The following RNF187 variants were observed in gnomAD, a reference collection of about 807,000 sequenced individuals.
RNF187 encodes the protein E3 ubiquitin-protein ligase RNF187.
Under a neutral mutation model 22.2 loss-of-function variants are expected in RNF187, and 18 were observed. The ratio of observed to expected loss-of-function variants is 0.81; its 90% CI spans 0.56 to 1.20. The LOEUF is 1.20. Among genes scored for constraint, RNF187 ranks in the 50% most tolerant of loss-of-function variants. The pLI is 0.00. For synonymous variants in RNF187, 164 were observed against 140.9 expected (o/e 1.16, Z -1.16); for missense variants, 329 against 317.6 (o/e 1.04, Z -0.27).
chr1:228,495,813 T>C lies in RNF187; in HGVS notation c.*1928T>C. On this transcript the variant is annotated 3_prime_UTR_variant, in exon 4 of 4. Transcript: ENST00000305943. ...CATTGTGGAGTGACAGATTAATGTATCCATCTCATGTTTTTTTTGGTGGTG... is the reference window on the plus strand; with the variant it reads ...CATTGTGGAGTGACAGATTAATGTACCCATCTCATGTTTTTTTTGGTGGTG... The C allele has an allele frequency of 2.2e-6, 2 of 899,332 alleles. No individual in the cohort carries two copies. The highest frequency in any genetic ancestry group is 3.6e-5 in the African/African-American group (2 of 55,322). 55.7% of individuals were successfully genotyped at this position (899,332 alleles called of 1,614,324 possible).
chr1:228,493,977 G>A lies in RNF187; in HGVS notation c.*92G>A. The A allele has an allele frequency of 7.1e-6, 11 of 1,551,486 alleles. No individual in the cohort carries two copies. The highest frequency in any genetic ancestry group is 2.4e-5 in the East Asian group (1 of 40,904). ...GTCAGCGTGTGGCTGCCAGGGAAGCGTGGCAGGCGCCTGGCCTTGGGTCCA... is the reference window on the plus strand; with the variant it reads ...GTCAGCGTGTGGCTGCCAGGGAAGCATGGCAGGCGCCTGGCCTTGGGTCCA... On this transcript the variant is annotated 3_prime_UTR_variant, in exon 4 of 4. Coordinates refer to ENST00000305943, the MANE Select transcript of RNF187 (RefSeq NM_001010858.3). The surrounding 1 kb of genome is among the most constrained non-coding windows in gnomAD (Gnocchi z 4.7).
At chr1:228,491,161 A>G in intron 2 of RNF187, among the ~76,000 whole-genome samples, 1 of 151,882 alleles carries the variant, frequency 6.6e-6, no homozygotes, top group African/African-American at 2.4e-5. Flanking sequence ...GCTGAGGTGT[A>G]GGAGGATTGC....
chr1:228,490,525 T>C, intron 2 of RNF187, among the ~76,000 whole-genome samples: 1 of 152,246 alleles, frequency 6.6e-6, no homozygotes, highest in Admixed American at 6.5e-5. Flanking sequence ...TTTTGGGGGT[T>C]TGTGGCTTAG....
Position 228,495,920 on chromosome 1 carries a change from C to A in RNF187, c.*2035C>A. ...AGGGGGATTGGTTCCAGGACCCCCT[C>A]ATGGATACCAAAATCTGCAGATACT... On this transcript the variant is annotated 3_prime_UTR_variant, in exon 4 of 4. Coordinates refer to ENST00000305943, the MANE Select transcript of RNF187 (RefSeq NM_001010858.3). Among the ~76,000 whole-genome samples, 1 of 152,176 alleles carries A rather than the reference C, an allele frequency of 6.6e-6. No homozygotes were observed. The highest frequency in any genetic ancestry group is 2.4e-5 in the African/African-American group (1 of 41,444).
intron 2 of RNF187, among the ~76,000 whole-genome samples, chr1:228,489,390 A>C: frequency 6.6e-6 from 1 of 151,900 alleles, no homozygotes; most frequent in Non-Finnish European, 1.5e-5. Flanking sequence ...AGCTCACTGC[A>C]GCTCGAACTG....
intron 2 of RNF187, among the ~76,000 whole-genome samples, chr1:228,492,251 T>C: frequency 6.6e-6 from 1 of 151,944 alleles, no homozygotes; most frequent in African/African-American, 2.4e-5. Flanking sequence ...AGGTTTTCAC[T>C]GTTGCCCAGG....
At position 228,493,797 on chromosome 1, in the gene RNF187, C is replaced by T; in HGVS notation, c.706-86C>T. 116 of 1,409,626 alleles carry T rather than the reference C, an allele frequency of 8.2e-5. No homozygotes were observed. Among genetic ancestry groups the T allele is most frequent in the South Asian group, 2.5e-4 (20 of 81,258 alleles). 87.3% of individuals were successfully genotyped at this position (1,409,626 alleles called of 1,614,324 possible). A position where few individuals can be genotyped will look rare whatever the true frequency, so the allele number is the denominator to read the frequency against. On this transcript the variant is annotated intron_variant, in intron 3 of 3. Transcript: ENST00000305943. This position sits in a 1 kb window ranked among gnomAD's most constrained non-coding sequence, Gnocchi z 4.7. ...GCTGTCTCATGTGCGCTCTCTCTTT[C>T]GCTCTCTCCTTTTGCCTCTGTCTCT... is the stretch of plus-strand genomic sequence containing the variant.
In RNF187 at chr1:228,495,643, C is replaced by T; in HGVS notation, c.*1758C>T. 4 of 985,490 alleles carry T rather than the reference C, an allele frequency of 4.1e-6. No individual in the cohort carries two copies. The East Asian group carries it at 4.5e-4, about 112-fold the overall frequency. 61.0% of individuals were successfully genotyped at this position (985,490 alleles called of 1,614,324 possible). On this transcript the variant is annotated 3_prime_UTR_variant, in exon 4 of 4. Coordinates refer to ENST00000305943, the MANE Select transcript of RNF187 (RefSeq NM_001010858.3). Reference sequence around the variant, plus strand: ...AGAGTCTCCCACAACATCAGTGTCTCCACATCACCAGGTCCGACAGTGGCT... The same window carrying T: ...AGAGTCTCCCACAACATCAGTGTCTTCACATCACCAGGTCCGACAGTGGCT...
chr1:228,487,513 G>C lies in RNF187; in HGVS notation c.25G>C (p.Glu9Gln). Reference sequence around the variant, plus strand: ...CCTGGCGCTCCCTGCGGGCCCCGCCGAGGCCGCCTGCGCCCTGTGCCAGCG... The same window carrying C: ...CCTGGCGCTCCCTGCGGGCCCCGCCCAGGCCGCCTGCGCCCTGTGCCAGCG... The change falls in exon 1 of 4, where the codon GAG becomes CAG. Residue 9 changes from glutamate to glutamine, a missense_variant. Transcript: ENST00000305943. 1 of 1,153,816 alleles carries C rather than the reference G, an allele frequency of 8.7e-7. No homozygotes were observed. The allele number at this position is 1,153,816 out of a possible 1,614,324, so 71.5% of individuals were successfully genotyped here. A position where few individuals can be genotyped will look rare whatever the true frequency, so the allele number is the denominator to read the frequency against.
rs1658872745 is a variant in RNF187 at position 228,487,774 on chromosome 1, C to G, written c.286C>G (p.Leu96Val). 9.3e-7 allele frequency: 1 copy of G among 1,075,566 alleles called. No individual in the cohort carries two copies. The highest frequency in any genetic ancestry group is 1.1e-6 in the Non-Finnish European group (1 of 889,140). 66.6% of individuals were successfully genotyped at this position (1,075,566 alleles called of 1,614,324 possible). A position where few individuals can be genotyped will look rare whatever the true frequency, so the allele number is the denominator to read the frequency against. ...GGCCAGCGAGGCCGCGCTGCAGCTG[C>G]TGTGCCGCGCCGACGCCGGCCCGCT... is the stretch of plus-strand genomic sequence containing the variant. Residue 96 changes from leucine to valine, a missense_variant, in exon 1 of 4, where the codon CTG (leucine) becomes GTG (valine). Transcript: ENST00000305943.
chr1:228,493,915 G>A lies in RNF187; in HGVS notation c.*30G>A. ...GCCAACCCGTGGCAGTCCCAGAGCTGGAGGCAGGAGGATGGATCCTCATCT... is the reference window on the plus strand; with the variant it reads ...GCCAACCCGTGGCAGTCCCAGAGCTAGAGGCAGGAGGATGGATCCTCATCT... On this transcript the variant is annotated 3_prime_UTR_variant, in exon 4 of 4. Coordinates refer to ENST00000305943, the MANE Select transcript of RNF187 (RefSeq NM_001010858.3). This position sits in a 1 kb window ranked among gnomAD's most constrained non-coding sequence, Gnocchi z 4.7. 6.4e-7 allele frequency: 1 copy of A among 1,551,740 alleles called. No individual in the cohort carries two copies. Among genetic ancestry groups the A allele is most frequent in the East Asian group, 2.4e-5 (1 of 40,926 alleles).
intron 2 of RNF187, among the ~76,000 whole-genome samples, chr1:228,491,405 A>ATAAAAT: frequency 6.7e-6 from 1 of 149,968 alleles, no homozygotes; most frequent in African/African-American, 2.5e-5. Flanking sequence ...AAAAAAAAAA[A>ATAAAAT]AAAATAAAGG....
chr1:228,495,777 A>T lies in RNF187; in HGVS notation c.*1892A>T. ...TTATGGGGCACAGTGTGATGTTTTG[A>T]TATCTATGTACATTGTGGAGTGACA... On this transcript the variant is annotated 3_prime_UTR_variant, in exon 4 of 4. Coordinates refer to ENST00000305943, the MANE Select transcript of RNF187 (RefSeq NM_001010858.3). 2 of 971,918 alleles carry T rather than the reference A, an allele frequency of 2.1e-6. No individual in the cohort carries two copies. The highest frequency in any genetic ancestry group is 1.8e-5 in the African/African-American group (1 of 56,920). The allele number at this position is 971,918 out of a possible 1,614,324, so 60.2% of individuals were successfully genotyped here. A position where few individuals can be genotyped will look rare whatever the true frequency, so the allele number is the denominator to read the frequency against.
Position 228,487,398 on chromosome 1 carries a change from T to C in RNF187, c.-91T>C. On this transcript the variant is annotated 5_prime_UTR_variant, in exon 1 of 4. Transcript: ENST00000305943. ...GTCCCCGGCGTTGGCGTCTTCGTCC[T>C]GTTGCTGGTCTCCGTCCGGTCGCCG... 1.9e-6 allele frequency: 2 copies of C among 1,042,372 alleles called. No homozygotes were observed. The highest frequency in any genetic ancestry group is 2.3e-6 in the Non-Finnish European group (2 of 869,922). 64.6% of individuals were successfully genotyped at this position (1,042,372 alleles called of 1,614,324 possible).
chr1:228,495,479 A>T lies in RNF187; in HGVS notation c.*1594A>T. ...GGCCAAGTAGAGAATCTTTGTCAGC[A>T]CGCCAACAACATCCCGACCCTGAGA... On this transcript the variant is annotated 3_prime_UTR_variant, in exon 4 of 4. Coordinates refer to ENST00000305943, the MANE Select transcript of RNF187 (RefSeq NM_001010858.3). The T allele has an allele frequency of 2.0e-6, 2 of 985,364 alleles. No individual in the cohort carries two copies. Among genetic ancestry groups the T allele is most frequent in the African/African-American group, 3.5e-5 (2 of 57,312 alleles). The allele number at this position is 985,364 out of a possible 1,614,324, so 61.0% of individuals were successfully genotyped here. A position where few individuals can be genotyped will look rare whatever the true frequency, so the allele number is the denominator to read the frequency against.
Position 228,493,231 on chromosome 1 carries a change from T to C in RNF187, c.662T>C (p.Leu221Pro). ...TCACTGCTGCAGGCGGTCTCGGAGC[T>C]GGAGAAGAAGCATCGCAACCTGGGC... The change falls in exon 3 of 4, where the codon CTG (leucine) becomes CCG (proline). Residue 221 changes from leucine (L) to proline (P), a missense_variant. By Grantham distance (98) the Leu-to-Pro change is moderately conservative. Transcript: ENST00000305943. The surrounding 1 kb of genome is among the most constrained non-coding windows in gnomAD (Gnocchi z 4.7). 6.4e-7 allele frequency: 1 copy of C among 1,551,332 alleles called. No homozygotes were observed. The highest frequency in any genetic ancestry group is 2.4e-5 in the East Asian group (1 of 40,902).
chr1:228,489,725 T>C, intron 2 of RNF187, among the ~76,000 whole-genome samples: 3,379 of 152,186 alleles, frequency 0.022, 103 homozygotes, highest in African/African-American at 0.067. Flanking sequence ...ATAGATGGTG[T>C]CTTCTCACTG....
chr1:228,495,704 T>C lies in RNF187; in HGVS notation c.*1819T>C. The stretch of plus-strand genomic sequence containing the variant: ...CACCTAACCTAGCTGACCAGCAACA[T>C]CCCACCCTGTCAATCACAACCTCTT... On this transcript the variant is annotated 3_prime_UTR_variant, in exon 4 of 4. Coordinates refer to ENST00000305943, the MANE Select transcript of RNF187 (RefSeq NM_001010858.3). 2 of 985,454 alleles carry C rather than the reference T, an allele frequency of 2.0e-6. No individual in the cohort carries two copies. The highest frequency in any genetic ancestry group is 3.5e-5 in the African/African-American group (2 of 57,212). 61.0% of individuals were successfully genotyped at this position (985,454 alleles called of 1,614,324 possible). A position where few individuals can be genotyped will look rare whatever the true frequency, so the allele number is the denominator to read the frequency against.
In RNF187 at chr1:228,495,315, C is replaced by CA; in HGVS notation, c.*1431dup. 3.4e-6 allele frequency: 1 copy of CA among 298,186 alleles called. No individual in the cohort carries two copies. Among genetic ancestry groups the CA allele is most frequent in the Admixed American group, 6.5e-5 (1 of 15,406 alleles). 18.5% of individuals were successfully genotyped at this position (298,186 alleles called of 1,614,324 possible). Reference sequence around the variant, plus strand: ...CGATCAGACATTGGCTGCAAACGGTCAGAGAGGAACCCAGTCAGGTACCAT... The same window carrying CA: ...CGATCAGACATTGGCTGCAAACGGTCAAGAGAGGAACCCAGTCAGGTACCAT... On this transcript the variant is annotated 3_prime_UTR_variant, in exon 4 of 4. Coordinates refer to ENST00000305943, the MANE Select transcript of RNF187 (RefSeq NM_001010858.3).
Sources: allele counts gnomAD v4.1 joint callset (sites outside exome capture counted in the v4.1 genomes callset), GRCh38; gene constraint gnomAD v4.1.1; non-coding constraint Gnocchi (gnomAD v3.1); transcripts MANE v1.5; gene names NCBI Gene and HGNC (gene_info 2026-07-23, HGNC 2026-07-21).